The following CREM variants were observed in gnomAD, a reference collection of about 807,000 sequenced individuals.
CREM encodes the protein cAMP responsive element modulator.
Under a neutral mutation model 37.3 loss-of-function variants are expected in CREM, and 13 were observed. That is an observed-to-expected ratio of 0.35 (90% CI 0.23 to 0.55). The LOEUF (loss-of-function observed/expected upper bound fraction) is 0.55, where lower values mean the gene tolerates loss of function less well. Ranked by LOEUF, CREM falls within the 20% of genes least tolerant of loss-of-function variation. The pLI is 0.88. For missense variants in CREM, 296 were observed against 362.3 expected (o/e 0.82, Z 1.49); for synonymous variants, 124 against 120.2 (o/e 1.03, Z -0.21).
intron 6 of CREM, among the ~76,000 whole-genome samples, chr10:35,195,537 G>A (rs150977318): frequency 2.3e-4 from 33 of 146,528 alleles, no homozygotes; most frequent in Non-Finnish European, 3.6e-4. Flanking sequence ...TCTTTCATAT[G>A]CATACCATTC....
rs58503822 is a variant in CREM at position 35,196,865 on chromosome 10, C to CTTTTTTTTTTTTT, written c.598+8487_598+8499dup. ...TAAAATGATGTGAAAACGCTGTGTACTTTTTTTTTTTTTTTTTTTTTTGAG... is the reference window on the plus strand; with the variant it reads ...TAAAATGATGTGAAAACGCTGTGTACTTTTTTTTTTTTTTTTTTTTTTTTTTTTTTTTTTTGAG... On this transcript the variant is annotated intron_variant, in intron 6 of 7. Coordinates refer to ENST00000685392, the MANE Select transcript of CREM (RefSeq NM_183011.2). Among the ~76,000 whole-genome samples the CTTTTTTTTTTTTT allele has an allele frequency of 1.1e-4, 12 of 108,938 alleles. 1 individual carries two copies. Among genetic ancestry groups the CTTTTTTTTTTTTT allele is most frequent in the Non-Finnish European group, 1.3e-4 (7 of 55,442 alleles). 71.5% of individuals were successfully genotyped at this position (108,938 alleles called of 152,430 possible).
chr10:35,199,144 G>A (rs1040142914), intron 6 of CREM, among the ~76,000 whole-genome samples: 3 of 152,234 alleles, frequency 2.0e-5, no homozygotes, highest in African/African-American at 7.2e-5. Context: ...GCGAGACTCC[G>A]TCTCAACAAC....
chr10:35,140,162 G>A (rs2091224433), intron 2 of CREM, among the ~76,000 whole-genome samples: 1 of 152,096 alleles, frequency 6.6e-6, no homozygotes, highest in Admixed American at 6.6e-5. Flanking sequence ...AATAATTTTA[G>A]TATCAAACTT....
At chr10:35,197,416 C>CTTTATTTATTTATTTA (rs202009348) in intron 6 of CREM, among the ~76,000 whole-genome samples, 2 of 142,774 alleles carry the variant, frequency 1.4e-5, no homozygotes, top group Non-Finnish European at 1.5e-5. Flanking sequence ...TTTCATTTTA[C>CTTTATTTATTTATTTA]TTTATTTATT....
chr10:35,147,568 T>A (rs2092269055), intron 2 of CREM, among the ~76,000 whole-genome samples: 1 of 152,146 alleles, frequency 6.6e-6, no homozygotes, highest in African/African-American at 2.4e-5. Context: ...AGAAACGACT[T>A]AGTGATAACA....
chr10:35,147,067 T>C (rs145199791), intron 2 of CREM, among the ~76,000 whole-genome samples: 42,288 of 145,380 alleles, frequency 0.29, 6,849 homozygotes, highest in South Asian at 0.36. Context: ...TTTTTTTTTT[T>C]TAAGACGGAG....
rs891576729 is a variant in CREM at position 35,127,130 on chromosome 10, C to G, written c.-118C>G. 11 of 152,764 alleles carry G rather than the reference C, an allele frequency of 7.2e-5. No homozygotes were observed. The highest frequency in any genetic ancestry group is 2.4e-4 in the African/African-American group (10 of 41,452). 9.5% of individuals were successfully genotyped at this position (152,764 alleles called of 1,614,324 possible). ...GCTGCTGAGCGGCGGTCGGGCTCGC[C>G]GTCTCCACCTCCTCGCGTCCGTAAT... On this transcript the variant is annotated 5_prime_UTR_variant, in exon 1 of 8. Transcript: ENST00000685392.
At chr10:35,159,778 G>C (rs1456803470) in intron 3 of CREM, among the ~76,000 whole-genome samples, 2 of 152,092 alleles carry the variant, frequency 1.3e-5, no homozygotes, top group African/African-American at 4.8e-5. Flanking sequence ...GGTGAAGAAG[G>C]GACCTACAGA....
At chr10:35,203,649 G>A (rs1676216272) in intron 6 of CREM, among the ~76,000 whole-genome samples, 1 of 152,070 alleles carries the variant, frequency 6.6e-6, no homozygotes, top group African/African-American at 2.4e-5. Flanking sequence ...CCGAGATTGT[G>A]CCACTGCACT....
intron 6 of CREM, among the ~76,000 whole-genome samples, chr10:35,205,143 A>C (rs1167977909): frequency 6.6e-6 from 1 of 152,212 alleles, no homozygotes; most frequent in Admixed American, 6.5e-5. Context: ...TTGGTGGTAG[A>C]AATGTTTTAT....
At chr10:35,169,644 T>C (rs1171336636) in intron 3 of CREM, among the ~76,000 whole-genome samples, 2 of 152,206 alleles carry the variant, frequency 1.3e-5, no homozygotes, top group Non-Finnish European at 2.9e-5. Context: ...ATAGGAGTGG[T>C]GAGAGAGGGC....
intron 3 of CREM, among the ~76,000 whole-genome samples, chr10:35,170,621 A>G (rs1365108072): frequency 1.3e-5 from 2 of 152,068 alleles, no homozygotes; most frequent in East Asian, 3.8e-4. Flanking sequence ...TTCCTGGTTT[A>G]GTCTTGGGAG....
intron 6 of CREM, chr10:35,201,603 G>T: frequency 7.6e-7 from 1 of 1,315,360 alleles, no homozygotes; most frequent in Non-Finnish European, 1.0e-6. Flanking sequence ...GAGAGTTCTA[G>T]GAATTTTCTT....
chr10:35,178,856 T>A, intron 3 of CREM, 33 bp from the exon 4 acceptor site: 2 of 1,549,598 alleles, frequency 1.3e-6, no homozygotes, highest in Non-Finnish European at 1.8e-6. Flanking sequence ...AGCATATATT[T>A]TATGATACAT....
intron 3 of CREM, among the ~76,000 whole-genome samples, chr10:35,176,817 TGGTA>T (rs1226714748): frequency 4.6e-5 from 7 of 152,288 alleles, no homozygotes; most frequent in Admixed American, 1.3e-4. Flanking sequence ...ACATAATTCT[TGGTA>T]AGATGATATT....
At chr10:35,206,791 C>A in intron 6 of CREM, 104 bp from the exon 7 acceptor site, 1 of 1,038,792 alleles carries the variant, frequency 9.6e-7, no homozygotes, top group Non-Finnish European at 1.5e-6. Flanking sequence ...TACAAGATCA[C>A]CTCTTATGAG....
intron 3 of CREM, among the ~76,000 whole-genome samples, chr10:35,163,403 G>A (rs535295535): frequency 4.3e-4 from 65 of 152,040 alleles, no homozygotes; most frequent in African/African-American, 1.4e-3. Flanking sequence ...ATAAAAAGAG[G>A]CCAGGTATGA....
chr10:35,154,150 G>A, intron 3 of CREM: 2 of 398,508 alleles, frequency 5.0e-6, no homozygotes, highest in Non-Finnish European at 8.8e-6. Context: ...GGGATACTTG[G>A]AAATGTTGTC....
chr10:35,127,744 GCT>G (rs2095933336), intron 1 of CREM, among the ~76,000 whole-genome samples: 2 of 152,224 alleles, frequency 1.3e-5, no homozygotes, highest in Admixed American at 6.5e-5. Context: ...AGCCGCGACC[GCT>G]CTCGGAAGGC....
Sources: allele counts gnomAD v4.1 joint callset (sites outside exome capture counted in the v4.1 genomes callset), GRCh38; gene constraint gnomAD v4.1.1; transcripts MANE v1.5; gene names NCBI Gene and HGNC (gene_info 2026-07-23, HGNC 2026-07-21).